Variants in ARHGEF10 observed in about 807,000 individuals in gnomAD.
The protein encoded by ARHGEF10 is Rho guanine nucleotide exchange factor (GEF) 10.
ARHGEF10 carries 140 observed loss-of-function variants against 147.4 expected under a neutral mutation model. The observed-to-expected ratio is 0.95, with a 90% confidence interval of 0.83 to 1.09. The LOEUF (loss-of-function observed/expected upper bound fraction) is 1.09, where lower values mean the gene tolerates loss of function less well. ARHGEF10 is among the 50% of genes least tolerant of loss of function. ARHGEF10 has a pLI of 0.00. For synonymous variants in ARHGEF10, 902 were observed against 695.8 expected (o/e 1.30, Z -4.67); for missense variants, 2,222 against 1,752.7 (o/e 1.27, Z -4.78).
intron 2 of ARHGEF10, among the ~76,000 whole-genome samples, chr8:1,847,366 C>T (rs1280673950): frequency 1.3e-5 from 2 of 152,212 alleles, no homozygotes; most frequent in Non-Finnish European, 2.9e-5. Context: ...AGAAGATGAT[C>T]TGGGATTTCT....
Position 1,847,578 on chromosome 8 carries a change from G to A in ARHGEF10, c.37+4142G>A, listed in dbSNP as rs187406402. On this transcript the variant is annotated intron_variant, in intron 2 of 28. Coordinates refer to ENST00000349830, the MANE Select transcript of ARHGEF10 (RefSeq NM_014629.4). ...AGCACTCACACTGGCATCGTCTCTG[G>A]GGGCAGCTTTGTTTCTGGGGGCAGC... Among the ~76,000 whole-genome samples, 360 of 152,058 alleles carry A rather than the reference G, an allele frequency of 2.4e-3. 2 individuals are homozygous for A. The highest frequency in any genetic ancestry group is 8.8e-3 in the Admixed American group (134 of 15,260).
Position 1,869,239 on chromosome 8 carries a change from ACT to A in ARHGEF10, c.671_672del (p.Ser224Ter). ...GATGACGTTCCAAGGGAAAACTCAG[ACT>A]CTGAACCAGGTTTGATTTTGTCTGG... is the stretch of plus-strand genomic sequence containing the variant. On this transcript the variant is annotated frameshift_variant, in exon 7 of 29. Coordinates refer to ENST00000349830, the MANE Select transcript of ARHGEF10 (RefSeq NM_014629.4). LOFTEE classifies it high-confidence loss of function. 7 of 1,613,926 alleles carry A rather than the reference ACT, an allele frequency of 4.3e-6. No homozygotes were observed. The highest frequency in any genetic ancestry group is 5.9e-6 in the Non-Finnish European group (7 of 1,179,812).
intron 16 of ARHGEF10, among the ~76,000 whole-genome samples, chr8:1,905,019 C>T (rs1222526183): frequency 6.6e-6 from 1 of 152,170 alleles, no homozygotes; most frequent in Non-Finnish European, 1.5e-5. Flanking sequence ...GTCCCAGCTA[C>T]TCGAGAGGCT....
rs367592773 is a variant in ARHGEF10 at position 1,928,547 on chromosome 8, G to T, written c.2818G>T (p.Val940Phe). 357 of 1,614,194 alleles carry T rather than the reference G, an allele frequency of 2.2e-4. 4 individuals are homozygous for T. The South Asian group carries it at 3.5e-3, about 16-fold the overall frequency. Residue 940 changes from valine (V) to phenylalanine (F), a missense_variant, in exon 24 of 29, where the codon GTC (valine) becomes TTC (phenylalanine). By Grantham distance (50) the Val-to-Phe change is conservative. Coordinates refer to ENST00000349830, the MANE Select transcript of ARHGEF10 (RefSeq NM_014629.4). ...SRILCMLYVPVEEKRREPGAP... is the reference protein window; with the variant it reads ...SRILCMLYVPFEEKRREPGAP... Reference sequence around the variant, plus strand: ...CATCCTGTGCATGCTGTACGTTCCCGTCGAGGAGAAGCGCAGAGAGCCTGG... The same window carrying T: ...CATCCTGTGCATGCTGTACGTTCCCTTCGAGGAGAAGCGCAGAGAGCCTGG...
intron 11 of ARHGEF10, among the ~76,000 whole-genome samples, chr8:1,892,325 G>A (rs991723509): frequency 7.5e-6 from 1 of 132,722 alleles, no homozygotes; most frequent in Non-Finnish European, 1.6e-5. Context: ...GTGTGTGTGT[G>A]TGTTTAATCC....
At chr8:1,863,109 G>A (rs1447066720) in intron 4 of ARHGEF10, among the ~76,000 whole-genome samples, 3 of 152,150 alleles carry the variant, frequency 2.0e-5, no homozygotes, top group East Asian at 3.9e-4. Context: ...CTTTGAGGCA[G>A]TGTGGCAGTG....
At chr8:1,857,568 C>A (rs529980702) in intron 2 of ARHGEF10, among the ~76,000 whole-genome samples, 1 of 151,880 alleles carries the variant, frequency 6.6e-6, no homozygotes, top group African/African-American at 2.4e-5. Flanking sequence ...TACAGGTGCC[C>A]GCCAACACGC....
chr8:1,854,223 G>A (rs1805375906), intron 2 of ARHGEF10, among the ~76,000 whole-genome samples: 1 of 152,154 alleles, frequency 6.6e-6, no homozygotes, highest in Non-Finnish European at 1.5e-5. Context: ...CCGGCCCCAT[G>A]CTCACCTCAG....
At chr8:1,901,389 G>T (rs1007959084) in intron 15 of ARHGEF10, among the ~76,000 whole-genome samples, 2 of 152,116 alleles carry the variant, frequency 1.3e-5, no homozygotes, top group Non-Finnish European at 2.9e-5. Context: ...TCTAAGACAG[G>T]TGCTGTGAAG....
Position 1,957,377 on chromosome 8 carries a change from A to G in ARHGEF10, c.*114A>G. On this transcript the variant is annotated 3_prime_UTR_variant, in exon 29 of 29. Transcript: ENST00000349830. ...CACTGGTTGGGAATAAATTAAAAAC[A>G]GTATTTGGGGGAGAAACGTGCAATA... 6.9e-6 allele frequency: 10 copies of G among 1,450,932 alleles called. No individual in the cohort carries two copies. The highest frequency in any genetic ancestry group is 1.2e-5 in the South Asian group (1 of 80,038). 89.9% of individuals were successfully genotyped at this position (1,450,932 alleles called of 1,614,324 possible).
chr8:1,839,380 C>T (rs1459287226), intron 1 of ARHGEF10, among the ~76,000 whole-genome samples: 10 of 132,356 alleles, frequency 7.6e-5, no homozygotes, highest in African/African-American at 3.0e-4. Flanking sequence ...TGGAAGCTGT[C>T]TGGTGTGGGA....
At chr8:1,913,861 CAGGTAGCTGG>C (rs773557559) in intron 18 of ARHGEF10, among the ~76,000 whole-genome samples, 12 of 152,196 alleles carry the variant, frequency 7.9e-5, no homozygotes, top group Non-Finnish European at 1.8e-4. Flanking sequence ...TCATTATGAA[CAGGTAGCTGG>C]AGGAGCTGCC....
intron 2 of ARHGEF10, among the ~76,000 whole-genome samples, chr8:1,849,669 G>A (rs1322663944): frequency 5.3e-5 from 7 of 131,832 alleles, no homozygotes; most frequent in African/African-American, 1.9e-4. Context: ...AGGGCGTGGG[G>A]TGGCCACGTG....
intron 26 of ARHGEF10, among the ~76,000 whole-genome samples, chr8:1,935,489 AG>A (rs144430021): frequency 0.11 from 16,279 of 152,210 alleles, 1,148 homozygotes; most frequent in Non-Finnish European, 0.15. Context: ...ACTGGTCTTC[AG>A]GGTGCCATTT....
intron 9 of ARHGEF10, 102 bp downstream of exon 9, chr8:1,880,266 AGGGTGGTC>A: frequency 1.2e-6 from 1 of 834,520 alleles, no homozygotes; most frequent in Non-Finnish European, 2.0e-6. Context: ...CGGTTCTCAA[AGGGTGGTC>A]CGGGGCTCCT....
chr8:1,880,464 TTC>T (rs1808093038), intron 9 of ARHGEF10, among the ~76,000 whole-genome samples: 1 of 152,238 alleles, frequency 6.6e-6, no homozygotes, highest in South Asian at 2.1e-4. Flanking sequence ...CAATGCCACT[TTC>T]TGTTTGTTTT....
intron 1 of ARHGEF10, among the ~76,000 whole-genome samples, chr8:1,828,997 G>A (rs533710432): frequency 6.6e-6 from 1 of 152,224 alleles, no homozygotes; most frequent in Non-Finnish European, 1.5e-5. Flanking sequence ...ATAAGCTAGC[G>A]TGGTATTCAG....
chr8:1,854,864 C>T (rs1170491504), intron 2 of ARHGEF10, among the ~76,000 whole-genome samples: 9 of 152,242 alleles, frequency 5.9e-5, no homozygotes, highest in East Asian at 5.8e-4. Context: ...GCAGAGGTGC[C>T]GGCTCCGAGA....
At chr8:1,879,185 C>T (rs768059495) in intron 8 of ARHGEF10, among the ~76,000 whole-genome samples, 17 of 152,194 alleles carry the variant, frequency 1.1e-4, no homozygotes, top group African/African-American at 4.1e-4. Context: ...CCAGTGGGGC[C>T]TCAGCCACGT....
Sources: allele counts gnomAD v4.1 joint callset (sites outside exome capture counted in the v4.1 genomes callset), GRCh38; gene constraint gnomAD v4.1.1; transcripts MANE v1.5; gene names NCBI Gene and HGNC (gene_info 2026-07-23, HGNC 2026-07-21).